Variants in RNGTT observed in about 807,000 individuals in gnomAD.
RNGTT encodes mRNA-capping enzyme.
RNGTT carries 33 observed loss-of-function variants against 79.3 expected under a neutral mutation model. The ratio of observed to expected loss-of-function variants is 0.42; its 90% confidence interval spans 0.32 to 0.56. The LOEUF is 0.56. Among genes scored for constraint, RNGTT ranks in the 20% least tolerant of loss-of-function variants. The pLI, the probability that RNGTT is intolerant of heterozygous loss-of-function variation, is 0.17. For missense variants in RNGTT, 497 were observed against 739.1 expected (o/e 0.67, Z 3.80); for synonymous variants, 222 against 235.9 (o/e 0.94, Z 0.54).
At position 88,801,634 on chromosome 6, in the gene RNGTT, T is replaced by C; in HGVS notation, c.1270-2A>G. The C allele has an allele frequency of 6.3e-7, 1 of 1,593,254 alleles. No individual in the cohort carries two copies. Among genetic ancestry groups the C allele is most frequent in the Non-Finnish European group, 8.6e-7 (1 of 1,161,542 alleles). ...TTTGGCAAAATTTCCTTCAAGTAGC[T>C]ATAAAATAAATACACATGTATTCTT... On this transcript the variant is annotated splice_acceptor_variant, in intron 11 of 15. Coordinates refer to ENST00000369485, the MANE Select transcript of RNGTT (RefSeq NM_003800.5). LOFTEE classifies it high-confidence loss of function.
intron 8 of RNGTT, among the ~76,000 whole-genome samples, chr6:88,858,755 C>G (rs1441089583): frequency 6.6e-6 from 1 of 151,984 alleles, no homozygotes; most frequent in East Asian, 1.9e-4. Context: ...GTATACTAAC[C>G]CTCACATTCA....
intron 8 of RNGTT, among the ~76,000 whole-genome samples, chr6:88,866,661 CA>C (rs1383163497): frequency 6.6e-6 from 1 of 152,128 alleles, no homozygotes; most frequent in Non-Finnish European, 1.5e-5. Context: ...CAGACACATT[CA>C]AATAAATCAA....
intron 13 of RNGTT, among the ~76,000 whole-genome samples, chr6:88,736,284 G>A (rs1777281995): frequency 6.6e-6 from 1 of 152,154 alleles, no homozygotes; most frequent in South Asian, 2.1e-4. Flanking sequence ...ATCTGTTTCA[G>A]AAAATAGAAG....
At chr6:88,954,490 A>T (rs1220237464) in intron 1 of RNGTT, among the ~76,000 whole-genome samples, 1 of 152,154 alleles carries the variant, frequency 6.6e-6, no homozygotes, top group Non-Finnish European at 1.5e-5. Context: ...TAAAGCAATT[A>T]CTACTAGAGA....
chr6:88,936,572 T>C (rs1784672184), intron 2 of RNGTT, among the ~76,000 whole-genome samples: 1 of 152,136 alleles, frequency 6.6e-6, no homozygotes. Context: ...TTGTTGAGAG[T>C]TTTTATCATG....
chr6:88,615,117 G>T (rs1008589949), intron 14 of RNGTT, among the ~76,000 whole-genome samples: 2 of 152,198 alleles, frequency 1.3e-5, no homozygotes, highest in African/African-American at 4.8e-5. Context: ...TCACTGGGCT[G>T]TGAGAATGGT....
chr6:88,767,497 T>C (rs1310499681), intron 13 of RNGTT, among the ~76,000 whole-genome samples: 1 of 151,866 alleles, frequency 6.6e-6, no homozygotes, highest in Non-Finnish European at 1.5e-5. Flanking sequence ...AAGAACTGAC[T>C]GTAAAAGGCA....
chr6:88,636,819 T>C (rs886161940), intron 14 of RNGTT, among the ~76,000 whole-genome samples: 1 of 151,720 alleles, frequency 6.6e-6, no homozygotes, highest in Non-Finnish European at 1.5e-5. Context: ...GATAACTATA[T>C]AGCAGGCAGT....
At chr6:88,912,069 T>G (rs1438226800) in intron 4 of RNGTT, among the ~76,000 whole-genome samples, 1 of 151,754 alleles carries the variant, frequency 6.6e-6, no homozygotes, top group Non-Finnish European at 1.5e-5. Flanking sequence ...GGTGATAAAG[T>G]AAGACCCTAC....
At chr6:88,834,896 A>C (rs1781014073) in intron 11 of RNGTT, among the ~76,000 whole-genome samples, 1 of 152,100 alleles carries the variant, frequency 6.6e-6, no homozygotes, top group African/African-American at 2.4e-5. Flanking sequence ...CGAAGCATGC[A>C]AATAACTAAT....
chr6:88,785,731 A>C (rs1779208572), intron 12 of RNGTT, among the ~76,000 whole-genome samples: 1 of 152,160 alleles, frequency 6.6e-6, no homozygotes, highest in Admixed American at 6.5e-5. Flanking sequence ...AAACCATTCT[A>C]ATTTGTCATG....
chr6:88,687,572 C>T (rs1044052867), intron 13 of RNGTT, among the ~76,000 whole-genome samples: 1 of 152,114 alleles, frequency 6.6e-6, no homozygotes, highest in Non-Finnish European at 1.5e-5. Context: ...GTTAAATCCA[C>T]ACAGTGGAAT....
chr6:88,727,248 G>T (rs183034794), intron 13 of RNGTT, among the ~76,000 whole-genome samples: 12 of 152,248 alleles, frequency 7.9e-5, no homozygotes, highest in African/African-American at 2.6e-4. Flanking sequence ...AGGTGTATAA[G>T]GAAAGTAAAA....
chr6:88,816,512 G>A (rs1363771972), intron 11 of RNGTT, among the ~76,000 whole-genome samples: 1 of 152,072 alleles, frequency 6.6e-6, no homozygotes, highest in African/African-American at 2.4e-5. Flanking sequence ...GAACGAGTGG[G>A]ACAAAACCCA....
At chr6:88,675,079 CA>C (rs1774813551) in intron 14 of RNGTT, among the ~76,000 whole-genome samples, 1 of 144,148 alleles carries the variant, frequency 6.9e-6, no homozygotes, top group South Asian at 2.2e-4. Context: ...GCCTGGGTGA[CA>C]GAGTGAGACT....
intron 14 of RNGTT, among the ~76,000 whole-genome samples, chr6:88,616,693 T>G (rs1772235675): frequency 6.6e-6 from 1 of 152,230 alleles, no homozygotes; most frequent in Admixed American, 6.5e-5. Flanking sequence ...TTCTTCAGTA[T>G]ACTTTCTTCA....
At chr6:88,669,210 T>C (rs1374319354) in intron 14 of RNGTT, among the ~76,000 whole-genome samples, 2 of 152,154 alleles carry the variant, frequency 1.3e-5, no homozygotes, top group Admixed American at 6.5e-5. Context: ...AGACCTTTTA[T>C]GATGAACTAA....
At chr6:88,929,098 T>C (rs763645821) in intron 3 of RNGTT, 25 bp from the exon 4 acceptor site, 39 of 1,593,756 alleles carry the variant, frequency 2.4e-5, no homozygotes, top group Non-Finnish European at 3.0e-5. Context: ...AAAGTTTTTT[T>C]GAAAAAAGAG....
chr6:88,901,593 G>A (rs71556313), intron 6 of RNGTT, among the ~76,000 whole-genome samples: 33 of 131,848 alleles, frequency 2.5e-4, no homozygotes, highest in African/African-American at 9.1e-4. Flanking sequence ...TGCAACCTCC[G>A]CCTCCCGGGT....
Sources: gnomAD v4.1 joint callset for allele counts (sites outside exome capture counted in the v4.1 genomes callset) on GRCh38, gnomAD v4.1.1 for gene constraint, MANE v1.5 for transcripts, NCBI Gene and HGNC (gene_info 2026-07-23, HGNC 2026-07-21) for gene names.